The following CAST variants were observed in gnomAD, a reference collection of about 807,000 sequenced individuals.
The protein encoded by CAST is calpastatin, also known as MIR583 host.
A neutral mutation model predicts 119.6 loss-of-function variants in CAST; 76 were observed. That is an observed-to-expected ratio of 0.64 (90% CI 0.53 to 0.77). The LOEUF (loss-of-function observed/expected upper bound fraction) is 0.77. CAST is among the 30% of genes least tolerant of loss of function. CAST has a pLI of 0.00. For synonymous variants in CAST, 319 were observed against 331.6 expected (o/e 0.96, Z 0.41); for missense variants, 953 against 946.5 (o/e 1.01, Z -0.09).
chr5:96,336,248 CTTTCTGTTCTT>C, the CAST span, among the ~76,000 whole-genome samples: 1 of 152,176 alleles, frequency 6.6e-6, no homozygotes, highest in African/African-American at 2.4e-5. Context: ...CTTCTGTTCT[CTTTCTGTTCTT>C]TACTTGCACA....
At chr5:96,452,640 T>TAAAAAA in the CAST span, among the ~76,000 whole-genome samples, 140 of 90,122 alleles carry the variant, frequency 1.6e-3, 16 homozygotes, top group African/African-American at 4.8e-3. Flanking sequence ...TAAAGTATAA[T>TAAAAAA]AAAAAAAAAA....
intron 1 of CAST, 48 bp from the exon 2 acceptor site, chr5:96,675,491 A>T (rs751838122): frequency 7.5e-7 from 1 of 1,325,992 alleles, no homozygotes; most frequent in Admixed American, 1.7e-5. Flanking sequence ...AGTTACTGTC[A>T]TCTGTGTCAT....
the CAST span, among the ~76,000 whole-genome samples, chr5:96,359,752 G>C: frequency 2.6e-5 from 4 of 152,132 alleles, no homozygotes; most frequent in Non-Finnish European, 5.9e-5. Flanking sequence ...CTTTCTCTCT[G>C]TCTGCCCTTA....
chr5:96,302,259 G>A, the CAST span, among the ~76,000 whole-genome samples: 1 of 152,164 alleles, frequency 6.6e-6, no homozygotes, highest in Non-Finnish European at 1.5e-5. Context: ...AGGCTGCAAA[G>A]AACAGCAGGG....
chr5:95,996,139 G>C, the CAST span, among the ~76,000 whole-genome samples: 1 of 152,146 alleles, frequency 6.6e-6, no homozygotes, highest in African/African-American at 2.4e-5. Flanking sequence ...AAACCAGTCT[G>C]ACGCACTGAG....
intron 9 of CAST, 28 bp from the exon 10 acceptor site, chr5:96,736,144 G>C (rs780028696): frequency 2.8e-6 from 4 of 1,414,270 alleles, no homozygotes; most frequent in Non-Finnish European, 3.0e-6. Flanking sequence ...GGTATGTGAG[G>C]AGTTGTTAAT....
rs187912098 is a variant in CAST, at chr5:96,589,495, A to G, written c.60+59615A>G. Among the ~76,000 whole-genome samples the G allele has an allele frequency of 4.6e-5, 7 of 152,300 alleles. No individual in the cohort carries two copies. In the East Asian group the frequency reaches 9.6e-4, roughly 21 times the overall value. On this transcript the variant is annotated intron_variant, in intron 1 of 11. Coordinates refer to the CAST transcript ENST00000505143. Reference sequence around the variant, plus strand: ...TTCCCTCTTTTAAAGACATTATAATAACACTTTTCACTTATCTTAAAGTCA... The same window carrying G: ...TTCCCTCTTTTAAAGACATTATAATGACACTTTTCACTTATCTTAAAGTCA...
At chr5:96,547,911 CCAATATGGGAATTCTGCCAGTAA>C (rs1458254225) in intron 1 of CAST, among the ~76,000 whole-genome samples, 1 of 152,178 alleles carries the variant, frequency 6.6e-6, no homozygotes, top group Non-Finnish European at 1.5e-5. Flanking sequence ...GGTCTGAGAT[CCAATATGGGAATTCTGCCAGTAA>C]CAAAGTATGT....
At chr5:95,969,997 G>C in the CAST span, among the ~76,000 whole-genome samples, 2 of 152,170 alleles carry the variant, frequency 1.3e-5, no homozygotes, top group African/African-American at 4.8e-5. Flanking sequence ...TTAGAATTAT[G>C]ACTATGGTGG....
chr5:96,282,989 G>T, the CAST span, among the ~76,000 whole-genome samples: 2 of 150,970 alleles, frequency 1.3e-5, no homozygotes, highest in African/African-American at 4.9e-5. Context: ...AATTAGCCGG[G>T]CGTGATGGCG....
chr5:96,662,335 C>CT, upstream of CAST: 1 of 982,262 alleles, frequency 1.0e-6, no homozygotes, highest in Non-Finnish European at 1.3e-6. Context: ...CTCCCTCCCT[C>CT]CCTCTCTCCC....
upstream of CAST, among the ~76,000 whole-genome samples, chr5:96,660,771 T>G (rs1010339627): frequency 6.6e-6 from 1 of 152,112 alleles, no homozygotes; most frequent in African/African-American, 2.4e-5. Context: ...AAGATCTTGT[T>G]TTCAGACTTA....
the CAST span, among the ~76,000 whole-genome samples, chr5:96,253,446 C>T: frequency 2.6e-5 from 4 of 152,098 alleles, no homozygotes; most frequent in East Asian, 3.8e-4. Flanking sequence ...TGGGTTATAA[C>T]GAGCAGCCAA....
the CAST span, among the ~76,000 whole-genome samples, chr5:96,281,196 T>C: frequency 6.6e-6 from 1 of 152,186 alleles, no homozygotes; most frequent in Non-Finnish European, 1.5e-5. Flanking sequence ...TGGACTTTTA[T>C]TGTTGTTGTT....
the CAST span, among the ~76,000 whole-genome samples, chr5:96,130,168 T>A: frequency 3.1e-4 from 47 of 151,934 alleles, 1 homozygote; most frequent in East Asian, 8.9e-3. Context: ...GTGATTAAGA[T>A]CATCACCAAC....
chr5:96,534,313 T>G (rs962543186), intron 1 of CAST, among the ~76,000 whole-genome samples: 2 of 152,130 alleles, frequency 1.3e-5, no homozygotes, highest in South Asian at 4.1e-4. Flanking sequence ...TAACAGAGTA[T>G]GAAAACTGCA....
chr5:96,125,078 T>G, the CAST span, among the ~76,000 whole-genome samples: 7 of 152,208 alleles, frequency 4.6e-5, no homozygotes, highest in African/African-American at 1.4e-4. Context: ...ACAAGAACAG[T>G]TTATGTATAT....
chr5:96,227,768 A>T, the CAST span, among the ~76,000 whole-genome samples: 3 of 152,016 alleles, frequency 2.0e-5, no homozygotes, highest in African/African-American at 7.3e-5. Context: ...AACTTCCACA[A>T]TTTCTAGATA....
intron 1 of CAST, among the ~76,000 whole-genome samples, chr5:96,536,809 T>C (rs1438692099): frequency 1.4e-5 from 2 of 147,636 alleles, no homozygotes; most frequent in Middle Eastern, 6.4e-3. Context: ...GACATTTTGA[T>C]GGAGGGATAT....
Sources: allele counts gnomAD v4.1 joint callset (sites outside exome capture counted in the v4.1 genomes callset), GRCh38; gene constraint gnomAD v4.1.1; transcripts MANE v1.5; gene names NCBI Gene and HGNC (gene_info 2026-07-23, HGNC 2026-07-21).